UNC5D: variants seen among roughly 807,000 people sequenced by gnomAD.
The protein encoded by UNC5D is unc-5 netrin receptor D.
A neutral mutation model predicts 105.4 loss-of-function variants in UNC5D; 39 were observed. That is an observed-to-expected ratio of 0.37 (90% CI 0.29 to 0.48). The LOEUF (loss-of-function observed/expected upper bound fraction) is 0.48, where lower values mean the gene tolerates loss of function less well. Among genes scored for constraint, UNC5D ranks in the 20% least tolerant of loss-of-function variants. The probability of loss-of-function intolerance (pLI) is 0.98; values close to 1 mark genes in which losing one functional copy is unlikely to be tolerated. For synonymous variants in UNC5D, 452 were observed against 450.4 expected (o/e 1.00, Z -0.04); for missense variants, 991 against 1,202.4 (o/e 0.82, Z 2.60).
intron 1 of UNC5D, among the ~76,000 whole-genome samples, chr8:35,347,977 A>G (rs1474692545): frequency 1.3e-5 from 2 of 152,030 alleles, no homozygotes; most frequent in African/African-American, 2.4e-5. Flanking sequence ...GTTTTATTTC[A>G]TATTTCTTTA....
intron 1 of UNC5D, among the ~76,000 whole-genome samples, chr8:35,400,000 C>T (rs2128948961): frequency 6.6e-6 from 1 of 152,154 alleles, no homozygotes; most frequent in South Asian, 2.1e-4. Context: ...ACTTCTTCTG[C>T]CTTTGTATAA....
intron 1 of UNC5D, among the ~76,000 whole-genome samples, chr8:35,351,923 C>A (rs1231930282): frequency 6.6e-6 from 1 of 152,020 alleles, no homozygotes; most frequent in Non-Finnish European, 1.5e-5. Context: ...CATTGGTTAA[C>A]TGGTGGTACC....
intron 1 of UNC5D, among the ~76,000 whole-genome samples, chr8:35,264,778 TATATATA>T (rs1192509440): frequency 6.6e-6 from 1 of 151,844 alleles, no homozygotes; most frequent in Non-Finnish European, 1.5e-5. Flanking sequence ...AAGCTTTTTT[TATATATA>T]AAGTACAAAT....
chr8:35,727,927 C>T lies in UNC5D; in HGVS notation c.1681+1398C>T, dbSNP rs772057000. The T allele has an allele frequency of 2.6e-5, 4 of 151,648 alleles. No individual in the cohort carries two copies. In the South Asian group the frequency reaches 8.3e-4, roughly 32 times the overall value. The allele number at this position is 151,648 out of a possible 1,614,324, so 9.4% of individuals were successfully genotyped here. On this transcript the variant is annotated intron_variant, in intron 10 of 16. Transcript: ENST00000404895. ...AGAATACAACCCTTGCCCTAAAGAA[C>T]ACGACGTGTCAGAATTATATAAAAT...
At chr8:35,681,221 A>T (rs898586088) in intron 4 of UNC5D, among the ~76,000 whole-genome samples, 1 of 152,216 alleles carries the variant, frequency 6.6e-6, no homozygotes, top group Non-Finnish European at 1.5e-5. Flanking sequence ...CTTGTTGCTC[A>T]TAACAAAATA....
Position 35,792,921 on chromosome 8 carries a change from G to A in UNC5D, c.*2358G>A, listed in dbSNP as rs891561506. On this transcript the variant is annotated 3_prime_UTR_variant, in exon 17 of 17. Transcript: ENST00000404895. ...ATCTATCTAGATTATTTTAAGATGA[G>A]ACAAGATTATTGTCAATCCCTGAAT... 1 of 423,582 alleles carries A rather than the reference G, an allele frequency of 2.4e-6. No homozygotes were observed. The highest frequency in any genetic ancestry group is 4.6e-6 in the Non-Finnish European group (1 of 217,972). 26.2% of individuals were successfully genotyped at this position (423,582 alleles called of 1,614,324 possible).
intron 1 of UNC5D, among the ~76,000 whole-genome samples, chr8:35,534,131 G>T (rs964352446): frequency 2.0e-5 from 3 of 152,164 alleles, no homozygotes; most frequent in Admixed American, 6.5e-5. Context: ...ATGGAAAAAA[G>T]TCATTTGTAG....
intron 1 of UNC5D, among the ~76,000 whole-genome samples, chr8:35,534,523 AC>A (rs1385866523): frequency 1.3e-5 from 2 of 151,534 alleles, no homozygotes; most frequent in East Asian, 4.0e-4. Context: ...AAAATAAGTT[AC>A]GTTTACTCTG....
chr8:35,355,004 G>C (rs1201866400), intron 1 of UNC5D, among the ~76,000 whole-genome samples: 2 of 152,120 alleles, frequency 1.3e-5, no homozygotes, highest in African/African-American at 2.4e-5. Context: ...CCAAGAGCCA[G>C]TGTTTTAAGA....
chr8:35,763,596 A>G (rs144542163), intron 14 of UNC5D, among the ~76,000 whole-genome samples: 171 of 152,266 alleles, frequency 1.1e-3, no homozygotes, highest in African/African-American at 3.9e-3. Context: ...AATAACTCAA[A>G]TTTCAATTTT....
chr8:35,533,083 C>G (rs1309683891), intron 1 of UNC5D, among the ~76,000 whole-genome samples: 3 of 151,318 alleles, frequency 2.0e-5, no homozygotes, highest in African/African-American at 7.3e-5. Flanking sequence ...TGTTCCGTTG[C>G]TGGTGAGGAA....
chr8:35,317,852 T>TTAGTTGCCTTCTACTTAGACAAGAC, intron 1 of UNC5D, among the ~76,000 whole-genome samples: 1 of 149,868 alleles, frequency 6.7e-6, no homozygotes, highest in African/African-American at 2.4e-5. Flanking sequence ...TTAGACAAGA[T>TTAGTTGCCTTCTACTTAGACAAGAC]AACTTAGTTG....
At chr8:35,752,411 C>T (rs1467623636) in intron 13 of UNC5D, among the ~76,000 whole-genome samples, 3 of 152,122 alleles carry the variant, frequency 2.0e-5, no homozygotes, top group African/African-American at 7.2e-5. Context: ...AAAAATATCA[C>T]GACCTCACTC....
In UNC5D at chr8:35,448,508, A is replaced by G. The variant is rs546711812; in HGVS notation, c.104-100784A>G. On this transcript the variant is annotated intron_variant, in intron 1 of 16. Transcript: ENST00000404895. The stretch of plus-strand genomic sequence containing the variant: ...GGTAAGTGCTATTTAAAAACCAGGC[A>G]GCATCAGCAGCACCTGGGAGTGATT... Among the ~76,000 whole-genome samples, 3 of 152,264 alleles carry G rather than the reference A, an allele frequency of 2.0e-5. No individual in the cohort carries two copies. The South Asian group carries it at 6.2e-4, about 32-fold the overall frequency.
At chr8:35,604,087 T>C (rs994805190) in intron 4 of UNC5D, among the ~76,000 whole-genome samples, 5 of 152,254 alleles carry the variant, frequency 3.3e-5, no homozygotes, top group African/African-American at 4.8e-5. Context: ...CCTGTCATTA[T>C]GATGTTAGCT....
intron 15 of UNC5D, among the ~76,000 whole-genome samples, chr8:35,770,873 T>C (rs535945036): frequency 4.0e-4 from 61 of 152,332 alleles, no homozygotes; most frequent in African/African-American, 1.3e-3. Context: ...TTCTCATTGA[T>C]TTACAACTCC....
chr8:35,540,444 GGTGTGTGTGTGTGTGT>G (rs11467586), intron 1 of UNC5D, among the ~76,000 whole-genome samples: 1 of 142,694 alleles, frequency 7.0e-6, no homozygotes, highest in African/African-American at 2.5e-5. Flanking sequence ...AAAGCAGAGG[GGTGTGTGTGTGTGTGT>G]GTGTGTGTGT....
chr8:35,541,339 C>T (rs1005908771), intron 1 of UNC5D, among the ~76,000 whole-genome samples: 2 of 152,154 alleles, frequency 1.3e-5, no homozygotes, highest in African/African-American at 4.8e-5. Flanking sequence ...CAGCTTTAGT[C>T]TAAACTTAAT....
At chr8:35,429,831 A>G (rs970889145) in intron 1 of UNC5D, among the ~76,000 whole-genome samples, 2 of 152,052 alleles carry the variant, frequency 1.3e-5, no homozygotes, top group Admixed American at 1.3e-4. Context: ...TTTTGTTACT[A>G]TAGAGCCTAG....
Sources: gnomAD v4.1 joint callset for allele counts (sites outside exome capture counted in the v4.1 genomes callset) on GRCh38, gnomAD v4.1.1 for gene constraint, MANE v1.5 for transcripts, NCBI Gene and HGNC (gene_info 2026-07-23, HGNC 2026-07-21) for gene names.